Variants in ARK2C observed in about 807,000 individuals in gnomAD.
ARK2C encodes arkadia (RNF111) C-terminal like ring finger ubiquitin ligase 2C.
the ARK2C span, among the ~76,000 whole-genome samples, chr18:46,345,274 A>G: frequency 6.6e-6 from 1 of 152,194 alleles, no homozygotes; most frequent in African/African-American, 2.4e-5. Flanking sequence ...AAGAGAGGTC[A>G]TCTGGGGTGA....
At chr18:46,383,672 A>G in the ARK2C span, among the ~76,000 whole-genome samples, 1 of 149,348 alleles carries the variant, frequency 6.7e-6, no homozygotes, top group Non-Finnish European at 1.5e-5. Flanking sequence ...CTCCTGCCTC[A>G]GCCTCCCGAG....
At chr18:46,362,080 C>A in the ARK2C span, among the ~76,000 whole-genome samples, 2 of 152,260 alleles carry the variant, frequency 1.3e-5, no homozygotes, top group Non-Finnish European at 2.9e-5. Context: ...CCCTGCCACC[C>A]CAAGCCCCAC....
the ARK2C span, among the ~76,000 whole-genome samples, chr18:46,424,159 G>A: frequency 2.6e-5 from 4 of 152,242 alleles, no homozygotes; most frequent in Non-Finnish European, 5.9e-5. Flanking sequence ...ATCCACCTGG[G>A]AAGGTCTTGG....
chr18:46,423,133 A>G, the ARK2C span, among the ~76,000 whole-genome samples: 64 of 152,304 alleles, frequency 4.2e-4, no homozygotes, highest in African/African-American at 1.5e-3. Flanking sequence ...AAACCCTGTG[A>G]AATGCAAGCC....
At chr18:46,368,290 A>C in the ARK2C span, among the ~76,000 whole-genome samples, 6 of 152,310 alleles carry the variant, frequency 3.9e-5, no homozygotes, top group Admixed American at 3.9e-4. Context: ...TGGAGGCCTA[A>C]ATAAAGAATA....
the ARK2C span, among the ~76,000 whole-genome samples, chr18:46,376,613 G>T: frequency 3.8e-4 from 58 of 151,544 alleles, no homozygotes; most frequent in Middle Eastern, 6.9e-3. Flanking sequence ...TTTCTTTTGG[G>T]GCCTCAGTTC....
the ARK2C span, among the ~76,000 whole-genome samples, chr18:46,346,696 C>T: frequency 2.6e-5 from 4 of 152,284 alleles, no homozygotes; most frequent in East Asian, 1.9e-4. Context: ...ATATAAAGTA[C>T]GAGACACCCG....
the ARK2C span, among the ~76,000 whole-genome samples, chr18:46,416,279 A>G: frequency 6.6e-6 from 1 of 152,142 alleles, no homozygotes; most frequent in Non-Finnish European, 1.5e-5. Context: ...GAGGCATTTA[A>G]AGCTCTTCTG....
At chr18:46,341,045 C>A in the ARK2C span, among the ~76,000 whole-genome samples, 16 of 151,804 alleles carry the variant, frequency 1.1e-4, no homozygotes, top group Non-Finnish European at 1.5e-4. Flanking sequence ...GATGGCGGGG[C>A]GGAGGCACAT....
chr18:46,362,093 A>G, the ARK2C span, among the ~76,000 whole-genome samples: 1 of 152,226 alleles, frequency 6.6e-6, no homozygotes, highest in South Asian at 2.1e-4. Context: ...AGCCCCACTC[A>G]TATGGGAGTG....
At chr18:46,456,816 C>G in the ARK2C span, 4 of 586,654 alleles carry the variant, frequency 6.8e-6, no homozygotes, top group Admixed American at 1.1e-4. Flanking sequence ...TTGGGGAGGA[C>G]CCACCTCTCC....
chr18:46,406,512 TTCTAGAGTGCCTCTCA>T, the ARK2C span, among the ~76,000 whole-genome samples: 2 of 152,136 alleles, frequency 1.3e-5, no homozygotes, highest in African/African-American at 2.4e-5. Context: ...CTGGGAGAGT[TTCTAGAGTGCCTCTCA>T]TCTGTCTCAT....
the ARK2C span, among the ~76,000 whole-genome samples, chr18:46,381,682 T>A: frequency 2.6e-5 from 4 of 151,940 alleles, no homozygotes; most frequent in East Asian, 3.9e-4. Context: ...ATAAAAAAAA[T>A]TAGCTAGGCG....
the ARK2C span, among the ~76,000 whole-genome samples, chr18:46,407,535 G>A: frequency 6.6e-6 from 1 of 152,156 alleles, no homozygotes; most frequent in East Asian, 1.9e-4. Flanking sequence ...TTTTCTCCTA[G>A]GCAGAGGTCT....
chr18:46,439,288 C>T, the ARK2C span, among the ~76,000 whole-genome samples: 1 of 152,202 alleles, frequency 6.6e-6, no homozygotes, highest in Non-Finnish European at 1.5e-5. Flanking sequence ...AATGCGTAGC[C>T]AAACCCAGGC....
At chr18:46,362,322 G>A in the ARK2C span, among the ~76,000 whole-genome samples, 1 of 152,222 alleles carries the variant, frequency 6.6e-6, no homozygotes, top group Admixed American at 6.5e-5. Flanking sequence ...TCGGTTTACT[G>A]TCTCAGGGCC....
chr18:46,445,570 A>G, the ARK2C span, among the ~76,000 whole-genome samples: 1 of 152,140 alleles, frequency 6.6e-6, no homozygotes, highest in Non-Finnish European at 1.5e-5. Flanking sequence ...TTCTCTCCAA[A>G]TCATGGTACC....
At chr18:46,403,757 A>G in the ARK2C span, among the ~76,000 whole-genome samples, 2 of 152,118 alleles carry the variant, frequency 1.3e-5, no homozygotes, top group Non-Finnish European at 2.9e-5. Flanking sequence ...GGTCACTTGT[A>G]ATCCCAGCTG....
the ARK2C span, among the ~76,000 whole-genome samples, chr18:46,352,857 G>A: frequency 6.6e-6 from 1 of 152,204 alleles, no homozygotes; most frequent in South Asian, 2.1e-4. Context: ...ATAATGGGGG[G>A]AGCACTCAGT....
Sources: allele counts gnomAD v4.1 joint callset (sites outside exome capture counted in the v4.1 genomes callset), GRCh38; gene constraint gnomAD v4.1.1; transcripts MANE v1.5; gene names NCBI Gene and HGNC (gene_info 2026-07-23, HGNC 2026-07-21).